SETBP1: variants seen among roughly 807,000 people sequenced by gnomAD.
SETBP1 encodes SET binding protein 1, also known as SET-binding protein.
Under a neutral mutation model 101.0 loss-of-function variants are expected in SETBP1, and 9 were observed. That is an observed-to-expected ratio of 0.09 (90% CI 0.05 to 0.16). SETBP1 has a LOEUF of 0.16. Ranked by LOEUF, SETBP1 falls within the 10% of genes least tolerant of loss-of-function variation. SETBP1 has a pLI of 1.00. For missense variants in SETBP1, 1,858 were observed against 2,033.8 expected, an observed-to-expected ratio of 0.91 and a Z score of 1.66; for synonymous variants, 818 against 788.5, an observed-to-expected ratio of 1.04 and a Z score of -0.63.
At position 45,038,568 on chromosome 18, in the gene SETBP1, A is replaced by C; in HGVS notation, c.4084A>C (p.Lys1362Gln). The change falls in exon 5 of 6, where the codon AAG becomes CAG. Residue 1362 changes from lysine to glutamine, a missense_variant. Lys to Gln is a moderately conservative substitution (Grantham distance 53). Transcript: ENST00000649279. ...EGSVPTMMTRKKPAAVDSVTI... is the reference protein window; with the variant it reads ...EGSVPTMMTRQKPAAVDSVTI... ...CTCAGTGCCCACCATGATGACCAGG[A>C]AGAAGCCAGCCGCAGTTGACAGTGT... The C allele has an allele frequency of 1.2e-6, 2 of 1,614,144 alleles. No homozygotes were observed. The highest frequency in any genetic ancestry group is 1.7e-6 in the Non-Finnish European group (2 of 1,180,020).
At chr18:44,982,810 T>C (rs2072144611) in intron 4 of SETBP1, among the ~76,000 whole-genome samples, 1 of 152,158 alleles carries the variant, frequency 6.6e-6, no homozygotes, top group South Asian at 2.1e-4. Flanking sequence ...TGGGGGACAC[T>C]CCAAGCTTTA....
rs556231993 is a variant in SETBP1 at position 44,949,995 on chromosome 18, C to T, written c.655C>T (p.His219Tyr). The T allele has an allele frequency of 3.7e-6, 6 of 1,614,170 alleles. No homozygotes were observed. The African/African-American group carries it at 6.7e-5, about 18-fold the overall frequency. ...CCAGCAAAAAAGCAGCAGCCAGAAC[C>T]ACATGGACTGGTCCACCAACTCTGA... Reference protein sequence around the residue: ...KHQQKSSSQNHMDWSTNSDSG... With the variant: ...KHQQKSSSQNYMDWSTNSDSG... The change falls in exon 4 of 6, where the codon CAC becomes TAC. Residue 219 changes from histidine to tyrosine, a missense_variant. Around this residue, in one of 12 missense-constraint regions of SETBP1, gnomAD observed 581 missense variants for 535.1 expected, o/e 1.09. Transcript: ENST00000649279.
chr18:44,762,361 C>T (rs1040242984), intron 2 of SETBP1, among the ~76,000 whole-genome samples: 1 of 152,200 alleles, frequency 6.6e-6, no homozygotes, highest in African/African-American at 2.4e-5. Flanking sequence ...ACCCATTAAG[C>T]AAGTTGCACA....
At position 45,004,804 on chromosome 18, in the gene SETBP1, G is replaced by A. The variant is rs139990148; in HGVS notation, c.4001-33681G>A. Among the ~76,000 whole-genome samples, 6 of 152,308 alleles carry A rather than the reference G, an allele frequency of 3.9e-5. No individual in the cohort carries two copies. In the East Asian group the frequency reaches 1.2e-3, roughly 29 times the overall value. On this transcript the variant is annotated intron_variant, in intron 4 of 5. Coordinates refer to ENST00000649279, the MANE Select transcript of SETBP1 (RefSeq NM_015559.3). Reference sequence around the variant, plus strand: ...CCATGCAGAGTCTCTGAACGGCAAAGCTCAATCCCTGACATTTCTGCCAAG... The same window carrying A: ...CCATGCAGAGTCTCTGAACGGCAAAACTCAATCCCTGACATTTCTGCCAAG...
chr18:44,995,430 T>C (rs1021731495), intron 4 of SETBP1, among the ~76,000 whole-genome samples: 2 of 152,078 alleles, frequency 1.3e-5, no homozygotes, highest in Non-Finnish European at 2.9e-5. Flanking sequence ...CGTGAGCCAC[T>C]GCGCCCAGTC....
chr18:44,931,660 T>C (rs552133642), intron 3 of SETBP1, among the ~76,000 whole-genome samples: 20 of 152,332 alleles, frequency 1.3e-4, no homozygotes, highest in African/African-American at 4.8e-4. Flanking sequence ...TAGTTAGCTC[T>C]TCTTGTTGAG....
At chr18:44,965,090 C>A (rs1435450362) in intron 4 of SETBP1, among the ~76,000 whole-genome samples, 6 of 152,140 alleles carry the variant, frequency 3.9e-5, no homozygotes, top group Non-Finnish European at 5.9e-5. Context: ...TGCCAAATAT[C>A]TTTCTTGAAT....
At chr18:44,872,326 A>G (rs1178815794) in intron 3 of SETBP1, among the ~76,000 whole-genome samples, 1 of 152,152 alleles carries the variant, frequency 6.6e-6, no homozygotes, top group Non-Finnish European at 1.5e-5. Context: ...TTCACCTCAG[A>G]ATCATACACA....
chr18:44,739,478 G>C (rs2070050622), intron 2 of SETBP1, among the ~76,000 whole-genome samples: 1 of 152,108 alleles, frequency 6.6e-6, no homozygotes, highest in Admixed American at 6.5e-5. Flanking sequence ...AAAGCAATTT[G>C]CTATAATTTG....
At chr18:44,908,047 C>T (rs1251258474) in intron 3 of SETBP1, among the ~76,000 whole-genome samples, 1 of 149,332 alleles carries the variant, frequency 6.7e-6, no homozygotes, top group Non-Finnish European at 1.5e-5. Context: ...TCTTCCTCCT[C>T]CTCCTTCTTT....
chr18:44,682,384 T>A (rs2068774216), intron 1 of SETBP1, among the ~76,000 whole-genome samples: 1 of 152,152 alleles, frequency 6.6e-6, no homozygotes. Context: ...CCAGCTGGGA[T>A]GGGAAGGCGG....
At chr18:44,826,332 A>G (rs993000502) in intron 2 of SETBP1, among the ~76,000 whole-genome samples, 3 of 152,062 alleles carry the variant, frequency 2.0e-5, no homozygotes, top group Non-Finnish European at 2.9e-5. Context: ...TGGCCCTCGC[A>G]CAAAAGCTCA....
At chr18:45,039,465 C>T (rs904958066) in intron 5 of SETBP1, among the ~76,000 whole-genome samples, 4 of 152,142 alleles carry the variant, frequency 2.6e-5, no homozygotes, top group Non-Finnish European at 4.4e-5. Flanking sequence ...CCTTAAAACC[C>T]AGCTAGTCAC....
chr18:45,006,761 G>A (rs1055636451), intron 4 of SETBP1, among the ~76,000 whole-genome samples: 1 of 152,112 alleles, frequency 6.6e-6, no homozygotes, highest in African/African-American at 2.4e-5. Context: ...CACTTTCCGA[G>A]GTAATAGGGG....
chr18:44,934,349 A>G (rs984907358), intron 3 of SETBP1, among the ~76,000 whole-genome samples: 1 of 152,162 alleles, frequency 6.6e-6, no homozygotes, highest in African/African-American at 2.4e-5. Flanking sequence ...GGGTTTTGCC[A>G]TGTTGGCCAG....
At chr18:44,882,416 A>T (rs1341969033) in intron 3 of SETBP1, among the ~76,000 whole-genome samples, 3 of 152,006 alleles carry the variant, frequency 2.0e-5, no homozygotes, top group Non-Finnish European at 4.4e-5. Context: ...GATTCCACTT[A>T]TGCTCAGCTG....
chr18:44,924,513 C>T (rs183847627), intron 3 of SETBP1, among the ~76,000 whole-genome samples: 138 of 152,180 alleles, frequency 9.1e-4, no homozygotes, highest in African/African-American at 3.1e-3. Context: ...ATATTAGCCA[C>T]TTTATTATTT....
intron 2 of SETBP1, among the ~76,000 whole-genome samples, chr18:44,832,331 C>T (rs1480637923): frequency 2.0e-5 from 3 of 152,138 alleles, no homozygotes; most frequent in African/African-American, 7.2e-5. Flanking sequence ...AGGCCAGGCC[C>T]GGGGCTACCC....
chr18:44,861,158 C>T (rs1447495495), intron 2 of SETBP1, among the ~76,000 whole-genome samples: 1 of 151,956 alleles, frequency 6.6e-6, no homozygotes, highest in Non-Finnish European at 1.5e-5. Context: ...CCCCAAGGCC[C>T]TTCCATGAAA....
Sources: allele counts gnomAD v4.1 joint callset (sites outside exome capture counted in the v4.1 genomes callset), GRCh38; gene constraint gnomAD v4.1.1; regional missense constraint gnomAD v4.1.1; transcripts MANE v1.5; gene names NCBI Gene and HGNC (gene_info 2026-07-23, HGNC 2026-07-21).